Variants in ZFYVE26 observed in about 807,000 individuals in gnomAD.
ZFYVE26 encodes zinc finger FYVE domain-containing protein 26.
ZFYVE26 carries 181 observed loss-of-function variants against 276.5 expected under a neutral mutation model. The observed-to-expected ratio is 0.65, with a 90% confidence interval of 0.58 to 0.74. ZFYVE26 has a LOEUF of 0.74. Ranked by LOEUF, ZFYVE26 falls within the 30% of genes least tolerant of loss-of-function variation. The pLI, the probability that ZFYVE26 is intolerant of heterozygous loss-of-function variation, is 0.00. For synonymous variants in ZFYVE26, 1,129 were observed against 1,203.1 expected (o/e 0.94, Z 1.27); for missense variants, 2,821 against 3,097.9 (o/e 0.91, Z 2.12).
intron 28 of ZFYVE26, among the ~76,000 whole-genome samples, chr14:67,770,795 G>A (rs1232208684): frequency 2.0e-5 from 3 of 152,136 alleles, no homozygotes; most frequent in African/African-American, 7.2e-5. Flanking sequence ...TACCCTATAT[G>A]TAAGTAAACC....
chr14:67,786,152 A>C lies in ZFYVE26; in HGVS notation c.3101T>G (p.Leu1034Arg). 6.2e-7 allele frequency: 1 copy of C among 1,613,252 alleles called. No individual in the cohort carries two copies. ...ACTGGCTGACATAAGCAGATAATTG[A>C]GACTCTTACTGATTTGCTGAAGAAC... The part of the protein sequence containing the change: ...PVVLQQISKS[L>R]NYLLMSASQT... Residue 1034 changes from leucine to arginine, a missense_variant, in exon 17 of 42, where the codon CTC (leucine) becomes CGC (arginine). By Grantham distance (102) the Leu-to-Arg change is moderately radical. Coordinates refer to ENST00000347230, the MANE Select transcript of ZFYVE26 (RefSeq NM_015346.4).
intron 13 of ZFYVE26, among the ~76,000 whole-genome samples, chr14:67,738,346 CT>C (rs2038375166): frequency 6.9e-6 from 1 of 145,962 alleles, no homozygotes; most frequent in Admixed American, 6.8e-5. Flanking sequence ...TACTAATATA[CT>C]TATATATACT....
chr14:67,786,705 C>A (rs78965804), intron 16 of ZFYVE26, among the ~76,000 whole-genome samples: 6,934 of 152,296 alleles, frequency 0.046, 318 homozygotes, highest in African/African-American at 0.12. Flanking sequence ...AAATTAATTC[C>A]TAAATCAGTA....
At position 67,767,829 on chromosome 14, in the gene ZFYVE26, A is replaced by T; in HGVS notation, c.5665T>A (p.Ser1889Thr). ...GAGTATGGAGGGCTTTCATTCTTGG[A>T]GCTGTCTAGAGCTGAGAAGAGAAAT... ...PSEKPEALDS[S>T]KNESPPYSFV... The change falls in exon 31 of 42, where the codon TCC (serine) becomes ACC (threonine). Residue 1889 changes from serine (S) to threonine (T), a missense_variant. By Grantham distance (58) the Ser-to-Thr change is moderately conservative (BLOSUM62 1). Coordinates refer to ENST00000347230, the MANE Select transcript of ZFYVE26 (RefSeq NM_015346.4). 1.2e-6 allele frequency: 2 copies of T among 1,614,096 alleles called. No individual in the cohort carries two copies. Among genetic ancestry groups the T allele is most frequent in the Admixed American group, 1.7e-5 (1 of 60,010 alleles).
intron 10 of ZFYVE26, chr14:67,799,472 C>T: frequency 6.2e-7 from 1 of 1,611,006 alleles, no homozygotes; most frequent in East Asian, 2.2e-5. Context: ...CGTGGATAGC[C>T]TGAAGGCAGC....
chr14:67,737,192 G>T (rs1359807018), intron 13 of ZFYVE26, among the ~76,000 whole-genome samples: 2 of 146,982 alleles, frequency 1.4e-5, no homozygotes, highest in East Asian at 4.2e-4. Context: ...GCCTATCAAA[G>T]TGCTGGGATT....
At position 67,798,485 on chromosome 14, in the gene ZFYVE26, G is replaced by A; in HGVS notation, c.1777C>T (p.Pro593Ser). 6.2e-7 allele frequency: 1 copy of A among 1,614,170 alleles called. No individual in the cohort carries two copies. Among genetic ancestry groups the A allele is most frequent in the Non-Finnish European group, 8.5e-7 (1 of 1,180,040 alleles). The change falls in exon 11 of 42, where the codon CCT (proline) becomes TCT (serine). Residue 593 changes from proline to serine, a missense_variant. Transcript: ENST00000347230. ...TCAGCATAGTCCTCAGGCAAGTGAG[G>A]CTCTGGGTGAAGATCAGCAGAGGTG... is the stretch of plus-strand genomic sequence containing the variant. ...LITSADLHPE[P>S]HLPEDYAEDD...
At chr14:67,800,708 C>T (rs189194921) in intron 10 of ZFYVE26, among the ~76,000 whole-genome samples, 1 of 152,114 alleles carries the variant, frequency 6.6e-6, no homozygotes, top group Non-Finnish European at 1.5e-5. Context: ...TTTTTAGGGT[C>T]TGTTTGAATC....
chr14:67,737,699 T>C (rs1392725825), intron 13 of ZFYVE26, among the ~76,000 whole-genome samples: 1 of 152,212 alleles, frequency 6.6e-6, no homozygotes, highest in African/African-American at 2.4e-5. Context: ...ATAGATAATA[T>C]GTATCACACA....
intron 32 of ZFYVE26, among the ~76,000 whole-genome samples, chr14:67,763,308 G>C (rs1020161361): frequency 6.6e-6 from 1 of 152,118 alleles, no homozygotes; most frequent in African/African-American, 2.4e-5. Flanking sequence ...CTATGACCTG[G>C]GGCAAGTTAG....
At chr14:67,764,504 C>A (rs1350290148) in intron 32 of ZFYVE26, among the ~76,000 whole-genome samples, 1 of 152,156 alleles carries the variant, frequency 6.6e-6, no homozygotes, top group African/African-American at 2.4e-5. Flanking sequence ...CAGACAAGAG[C>A]CACTGCACCC....
intron 22 of ZFYVE26, among the ~76,000 whole-genome samples, 155 bp downstream of exon 22, chr14:67,781,178 C>T (rs937690309): frequency 3.9e-5 from 6 of 152,168 alleles, no homozygotes; most frequent in Admixed American, 1.3e-4. Context: ...AGCTAGGAGG[C>T]CTCCCTGCTG....
At chr14:67,800,073 G>A (rs1295182998) in intron 10 of ZFYVE26, among the ~76,000 whole-genome samples, 1 of 152,162 alleles carries the variant, frequency 6.6e-6, no homozygotes, top group Non-Finnish European at 1.5e-5. Context: ...AATAGACCCT[G>A]TCTTCATTTT....
At chr14:67,787,264 G>A (rs1314644180) in intron 16 of ZFYVE26, among the ~76,000 whole-genome samples, 1 of 151,948 alleles carries the variant, frequency 6.6e-6, no homozygotes. Flanking sequence ...GCTGAGACAG[G>A]AGAATCACCT....
chr14:67,761,574 T>C lies in ZFYVE26; in HGVS notation c.6380A>G (p.Asp2127Gly). The change falls in exon 35 of 42, where the codon GAT becomes GGT. Residue 2127 changes from aspartate to glycine, a missense_variant. Asp to Gly is a moderately conservative substitution (Grantham distance 94, BLOSUM62 -1). Coordinates refer to ENST00000347230, the MANE Select transcript of ZFYVE26 (RefSeq NM_015346.4). The part of the protein sequence containing the change: ...VRPFVSLQDD[D>G]YFATLRELEA... ...CAGTTCCCTCAGGGTGGCAAAGTAA[T>C]CGTCATCTTGCTGACAGCACAGGGA... 6.2e-7 allele frequency: 1 copy of C among 1,614,046 alleles called. No homozygotes were observed. Among genetic ancestry groups the C allele is most frequent in the Middle Eastern group, 1.6e-4 (1 of 6,062 alleles).
At position 67,729,277 on chromosome 14, in the gene ZFYVE26, C is replaced by A. The variant is rs1452061026; in HGVS notation, n.3222G>T. ...CTCCTCCCTGCTCTGCCTGCTCTGG[C>A]GGCTCTTCTCCCCCTTTGTCAAGAC... On this transcript the variant is annotated non_coding_transcript_exon_variant, in exon 14 of 15. Transcript: ENST00000394455. 3 of 1,605,996 alleles carry A rather than the reference C, an allele frequency of 1.9e-6. No individual in the cohort carries two copies. The highest frequency in any genetic ancestry group is 1.1e-5 in the South Asian group (1 of 91,008).
Position 67,766,399 on chromosome 14 carries a change from T to C in ZFYVE26, c.5839A>G (p.Ser1947Gly), listed in dbSNP as rs1334590681. 5 of 1,612,444 alleles carry C rather than the reference T, an allele frequency of 3.1e-6. No individual in the cohort carries two copies. Among genetic ancestry groups the C allele is most frequent in the South Asian group, 1.1e-5 (1 of 90,994 alleles). The stretch of plus-strand genomic sequence containing the variant: ...ATCAGCTGGTGACCACAGGCAATGC[T>C]GTCCCGGTGCAGATTCAGGATGGCA... ...CIAILNLHRD[S>G]IACGHQLIEH... The change falls in exon 32 of 42, where the codon AGC (serine) becomes GGC (glycine). Residue 1947 changes from serine (S) to glycine (G), a missense_variant. Coordinates refer to ENST00000347230, the MANE Select transcript of ZFYVE26 (RefSeq NM_015346.4).
chr14:67,776,332 T>G (rs769755998), intron 25 of ZFYVE26, among the ~76,000 whole-genome samples: 36 of 152,214 alleles, frequency 2.4e-4, no homozygotes, highest in Non-Finnish European at 4.6e-4. Context: ...GTTAGTAAAC[T>G]TTTCCTATAA....
chr14:67,739,089 C>T (rs1164174840), intron 13 of ZFYVE26, among the ~76,000 whole-genome samples: 3 of 152,188 alleles, frequency 2.0e-5, no homozygotes, highest in East Asian at 3.8e-4. Context: ...GGAAAAGTCA[C>T]GTGGCTCAAT....
Sources: gnomAD v4.1 joint callset for allele counts (sites outside exome capture counted in the v4.1 genomes callset) on GRCh38, gnomAD v4.1.1 for gene constraint, MANE v1.5 for transcripts, NCBI Gene and HGNC (gene_info 2026-07-23, HGNC 2026-07-21) for gene names.